Variants in MARCHF4 observed in about 807,000 individuals in gnomAD.
MARCHF4 encodes membrane associated ring-CH-type finger 4.
In MARCHF4, 14 loss-of-function variants were observed where a neutral mutation model predicts 43.9. The observed-to-expected ratio is 0.32, with a 90% CI of 0.21 to 0.50. The LOEUF is 0.50. Among genes scored for constraint, MARCHF4 ranks in the 20% least tolerant of loss-of-function variants. The pLI, the probability that MARCHF4 is intolerant of heterozygous loss-of-function variation, is 0.98. For synonymous variants in MARCHF4, 226 were observed against 213.3 expected (o/e 1.06, Z -0.52); for missense variants, 468 against 536.7 (o/e 0.87, Z 1.27).
At chr2:216,278,989 G>A (rs1021240654) in intron 2 of MARCHF4, among the ~76,000 whole-genome samples, 2 of 152,166 alleles carry the variant, frequency 1.3e-5, no homozygotes, top group Non-Finnish European at 2.9e-5. Context: ...CTAGGTGTTG[G>A]CAATGAAGCC....
intron 1 of MARCHF4, among the ~76,000 whole-genome samples, chr2:216,291,176 C>T (rs1691302420): frequency 6.6e-6 from 1 of 152,072 alleles, no homozygotes; most frequent in South Asian, 2.1e-4. Context: ...GCAGAAGAGA[C>T]TGAGAAGGGA....
chr2:216,312,584 A>G (rs372536961), intron 1 of MARCHF4, among the ~76,000 whole-genome samples: 2 of 152,152 alleles, frequency 1.3e-5, no homozygotes, highest in African/African-American at 4.8e-5. Context: ...AGCCTTTCTG[A>G]CTAGTATAAT....
chr2:216,273,412 C>T (rs1428906631), intron 3 of MARCHF4, among the ~76,000 whole-genome samples: 12 of 152,204 alleles, frequency 7.9e-5, no homozygotes, highest in African/African-American at 2.9e-4. Context: ...GGGCTAGACT[C>T]ATTTTCTTTT....
intron 1 of MARCHF4, among the ~76,000 whole-genome samples, chr2:216,347,546 G>A (rs1692340184): frequency 6.6e-6 from 1 of 152,052 alleles, no homozygotes; most frequent in African/African-American, 2.4e-5. Context: ...TGGCAAAGAT[G>A]ATGAAACCCC....
chr2:216,336,829 T>C (rs1559102571), intron 1 of MARCHF4, among the ~76,000 whole-genome samples: 1 of 147,272 alleles, frequency 6.8e-6, no homozygotes, highest in Non-Finnish European at 1.5e-5. Context: ...ATGGGATTCA[T>C]TGACCAACAA....
In MARCHF4 at chr2:216,343,134, A is replaced by T. The variant is rs563386212; in HGVS notation, c.516+26611T>A. On this transcript the variant is annotated intron_variant, in intron 1 of 3. Coordinates refer to ENST00000273067, the MANE Select transcript of MARCHF4 (RefSeq NM_020814.3). ...TTAAAGGACAAGGACCAGAGTTGAG[A>T]TATTTCATTCAGCAGGCAATAGAGA... is the stretch of plus-strand genomic sequence containing the variant. Among the ~76,000 whole-genome samples, 3 of 152,336 alleles carry T rather than the reference A, an allele frequency of 2.0e-5. No homozygotes were observed. In the East Asian group the frequency reaches 5.8e-4, roughly 29 times the overall value.
At chr2:216,340,406 C>A (rs965970905) in intron 1 of MARCHF4, among the ~76,000 whole-genome samples, 6 of 152,224 alleles carry the variant, frequency 3.9e-5, no homozygotes, top group Non-Finnish European at 5.9e-5. Flanking sequence ...GCCTCCCTGG[C>A]TCTCCTCCTG....
At chr2:216,312,910 G>T (rs573237469) in intron 1 of MARCHF4, among the ~76,000 whole-genome samples, 15 of 25,436 alleles carry the variant, frequency 5.9e-4, no homozygotes, top group African/African-American at 1.7e-3. Flanking sequence ...GTCTGTTTTT[G>T]GTTTTGTTGC....
At chr2:216,348,187 A>G (rs954539654) in intron 1 of MARCHF4, among the ~76,000 whole-genome samples, 3 of 151,836 alleles carry the variant, frequency 2.0e-5, no homozygotes, top group African/African-American at 7.3e-5. Context: ...ACAAGCATGC[A>G]TCACCACACC....
intron 1 of MARCHF4, among the ~76,000 whole-genome samples, chr2:216,307,505 G>C (rs1376711403): frequency 6.6e-6 from 1 of 151,802 alleles, no homozygotes; most frequent in East Asian, 1.9e-4. Context: ...TGGTGGGAGG[G>C]GTAAGGTCTA....
chr2:216,354,379 C>T (rs1464019306), intron 1 of MARCHF4, among the ~76,000 whole-genome samples: 1 of 152,210 alleles, frequency 6.6e-6, no homozygotes, highest in Admixed American at 6.5e-5. Context: ...CATTCTTACT[C>T]AACCACTAAA....
chr2:216,324,638 C>T (rs1197226214), intron 1 of MARCHF4, among the ~76,000 whole-genome samples: 1 of 150,942 alleles, frequency 6.6e-6, no homozygotes, highest in Non-Finnish European at 1.5e-5. Context: ...GGCTTCATCC[C>T]TGGGATGCAA....
At chr2:216,320,605 CTTT>C (rs72375205) in intron 1 of MARCHF4, among the ~76,000 whole-genome samples, 6 of 138,434 alleles carry the variant, frequency 4.3e-5, no homozygotes, top group Non-Finnish European at 9.4e-5. Context: ...GCTATAGCCT[CTTT>C]TTCTTTCTTT....
chr2:216,276,950 G>A (rs1037876352), intron 3 of MARCHF4, among the ~76,000 whole-genome samples: 2 of 152,148 alleles, frequency 1.3e-5, no homozygotes, highest in African/African-American at 4.8e-5. Flanking sequence ...GAAGGAGCAG[G>A]ATCTATAGCA....
chr2:216,332,211 C>T (rs1034481326), intron 1 of MARCHF4, among the ~76,000 whole-genome samples: 1 of 151,860 alleles, frequency 6.6e-6, no homozygotes, highest in African/African-American at 2.4e-5. Context: ...GGCAACATGG[C>T]AAAACCCTGT....
Position 216,320,968 on chromosome 2 carries a change from G to A in MARCHF4, c.517-37239C>T, listed in dbSNP as rs1457583026. On this transcript the variant is annotated intron_variant, in intron 1 of 3. Transcript: ENST00000273067. ...TGCTGGGATTACAAGCAGAGCCACC[G>A]CACCCAGATGCCTCTTTTTCTTTAA... is the stretch of plus-strand genomic sequence containing the variant. Among the ~76,000 whole-genome samples, 3 of 150,486 alleles carry A rather than the reference G, an allele frequency of 2.0e-5. No homozygotes were observed. The Admixed American group carries it at 2.0e-4, about 10-fold the overall frequency.
intron 1 of MARCHF4, among the ~76,000 whole-genome samples, chr2:216,326,129 C>A (rs1297974515): frequency 1.3e-5 from 2 of 148,988 alleles, no homozygotes; most frequent in East Asian, 2.0e-4. Context: ...AAACAAACAA[C>A]CCCATCAAAA....
intron 1 of MARCHF4, among the ~76,000 whole-genome samples, chr2:216,348,671 C>T (rs1270602602): frequency 1.3e-5 from 2 of 152,126 alleles, no homozygotes; most frequent in Non-Finnish European, 2.9e-5. Flanking sequence ...AGTAGCCATT[C>T]TTTATTCTTT....
At chr2:216,302,783 A>C (rs1334567755) in intron 1 of MARCHF4, among the ~76,000 whole-genome samples, 3 of 151,154 alleles carry the variant, frequency 2.0e-5, no homozygotes, top group Non-Finnish European at 4.4e-5. Flanking sequence ...CTGTAATCAC[A>C]GTTACTTGAG....
Sources: gnomAD v4.1 joint callset for allele counts (sites outside exome capture counted in the v4.1 genomes callset) on GRCh38, gnomAD v4.1.1 for gene constraint, MANE v1.5 for transcripts, NCBI Gene and HGNC (gene_info 2026-07-23, HGNC 2026-07-21) for gene names.